The following SH3BGRL2 variants were observed in gnomAD, a reference collection of about 807,000 sequenced individuals.
The protein encoded by SH3BGRL2 is SH3 domain binding glutamate rich protein like 2.
Under a neutral mutation model 14.8 loss-of-function variants are expected in SH3BGRL2, and 21 were observed. The ratio of observed to expected loss-of-function variants is 1.42; its 90% CI spans 1.01 to 2.05. The LOEUF (loss-of-function observed/expected upper bound fraction) is 2.05, where lower values mean the gene tolerates loss of function less well. Ranked by LOEUF, SH3BGRL2 falls within the 30% of genes most tolerant of loss-of-function variation. The probability of loss-of-function intolerance (pLI) is 0.00; values close to 1 mark genes in which losing one functional copy is unlikely to be tolerated. For synonymous variants in SH3BGRL2, 50 were observed against 47.8 expected, an observed-to-expected ratio of 1.05 and a Z score of -0.19; for missense variants, 147 against 130.8, an observed-to-expected ratio of 1.12 and a Z score of -0.61.
chr6:79,598,900 T>C, the SH3BGRL2 span, among the ~76,000 whole-genome samples: 1 of 151,912 alleles, frequency 6.6e-6, no homozygotes, highest in Admixed American at 6.6e-5. Context: ...CTGACCAACA[T>C]GGAGAAACCC....
At chr6:79,638,621 G>A (rs769414353) in intron 1 of SH3BGRL2, among the ~76,000 whole-genome samples, 1 of 151,996 alleles carries the variant, frequency 6.6e-6, no homozygotes, top group African/African-American at 2.4e-5. Flanking sequence ...GTTACTTGGG[G>A]CCTTTTCGAT....
At chr6:79,699,306 G>C (rs570297122) in intron 3 of SH3BGRL2, among the ~76,000 whole-genome samples, 192 bp from the exon 4 acceptor site, 2 of 151,932 alleles carry the variant, frequency 1.3e-5, no homozygotes, top group Admixed American at 1.3e-4. Flanking sequence ...AGGTCGGGTG[G>C]GTGTGATTTA....
At chr6:79,575,632 TTTTTTTACTTAAAG>T in the SH3BGRL2 span, 1 of 152,166 alleles carries the variant, frequency 6.6e-6, no homozygotes, top group African/African-American at 2.4e-5. Context: ...TCAAATATTT[TTTTTTTACTTAAAG>T]TTTTTTACTT....
chr6:79,537,656 C>T, the SH3BGRL2 span, among the ~76,000 whole-genome samples: 1 of 152,182 alleles, frequency 6.6e-6, no homozygotes, highest in Admixed American at 6.5e-5. Context: ...CTGTGCGGTG[C>T]CAGGGCTCGA....
the SH3BGRL2 span, among the ~76,000 whole-genome samples, chr6:79,570,712 T>G: frequency 1.3e-5 from 2 of 152,272 alleles, no homozygotes; most frequent in Non-Finnish European, 1.5e-5. Context: ...AGGCTAGAGA[T>G]AAGATGTTAA....
At chr6:79,626,983 C>T (rs532946366), upstream of SH3BGRL2, among the ~76,000 whole-genome samples, 351 of 152,276 alleles carry the variant, frequency 2.3e-3, 1 homozygote, top group African/African-American at 8.0e-3. Flanking sequence ...GCAGGAACCA[C>T]GGCAGACTTG....
rs1199418649 is a variant in SH3BGRL2 at position 79,703,513 on chromosome 6, G to A, written c.*4004G>A. On this transcript the variant is annotated 3_prime_UTR_variant, in exon 4 of 4. Transcript: ENST00000369838. ...TTGCCTTTCCTTTGAGGTACCGTGTGCGGTTTCCTGAACCTATCTCTATCC... is the reference window on the plus strand; with the variant it reads ...TTGCCTTTCCTTTGAGGTACCGTGTACGGTTTCCTGAACCTATCTCTATCC... 2.0e-5 allele frequency: 3 copies of A among 152,098 alleles called. No individual in the cohort carries two copies. Among genetic ancestry groups the A allele is most frequent in the African/African-American group, 7.2e-5 (3 of 41,402 alleles). 9.4% of individuals were successfully genotyped at this position (152,098 alleles called of 1,614,324 possible).
the SH3BGRL2 span, among the ~76,000 whole-genome samples, chr6:79,565,660 T>C: frequency 2.0e-5 from 3 of 152,194 alleles, no homozygotes; most frequent in Non-Finnish European, 4.4e-5. Flanking sequence ...TCCCAACACA[T>C]TGAATGCCTA....
chr6:79,673,875 T>C, intron 2 of SH3BGRL2, 76 bp downstream of exon 2: 1 of 1,471,364 alleles, frequency 6.8e-7, no homozygotes, highest in Non-Finnish European at 9.2e-7. Flanking sequence ...CAGGTGGGTT[T>C]TTCCAGTGAA....
chr6:79,567,716 C>T, the SH3BGRL2 span, among the ~76,000 whole-genome samples: 30 of 152,212 alleles, frequency 2.0e-4, no homozygotes, highest in African/African-American at 6.7e-4. Flanking sequence ...AAAAAAGAGG[C>T]AGAATCTGCA....
At chr6:79,690,763 C>A (rs1562159153) in intron 2 of SH3BGRL2, among the ~76,000 whole-genome samples, 1 of 152,118 alleles carries the variant, frequency 6.6e-6, no homozygotes, top group East Asian at 1.9e-4. Context: ...AAGTATAACA[C>A]CCCCTTGACT....
rs565419414 is a variant in SH3BGRL2, at chr6:79,659,254, G to T, written c.46-14360G>T. Reference sequence around the variant, plus strand: ...ATGGTATTGACTAGGTTTTCTTTTGGGTTTTTATGGTTTTAGGTCTAACAT... The same window carrying T: ...ATGGTATTGACTAGGTTTTCTTTTGTGTTTTTATGGTTTTAGGTCTAACAT... On this transcript the variant is annotated intron_variant, in intron 1 of 3. Transcript: ENST00000369838. 1.8e-3 allele frequency among the ~76,000 whole-genome samples: 272 copies of T among 152,104 alleles called. 1 individual carries two copies. Among genetic ancestry groups the T allele is most frequent in the Non-Finnish European group, 1.8e-3 (125 of 67,986 alleles).
At chr6:79,662,376 A>T (rs1180241753) in intron 1 of SH3BGRL2, among the ~76,000 whole-genome samples, 2 of 152,122 alleles carry the variant, frequency 1.3e-5, no homozygotes, top group Non-Finnish European at 2.9e-5. Context: ...GCTTGTCTGT[A>T]AAGGATTTTA....
the SH3BGRL2 span, among the ~76,000 whole-genome samples, chr6:79,551,030 T>C: frequency 1.3e-5 from 2 of 152,158 alleles, no homozygotes; most frequent in Non-Finnish European, 2.9e-5. Flanking sequence ...AGTGTGCCAG[T>C]CTACTATGGG....
At chr6:79,697,960 GA>G (rs1770366931) in intron 3 of SH3BGRL2, among the ~76,000 whole-genome samples, 1 of 152,116 alleles carries the variant, frequency 6.6e-6, no homozygotes, top group Admixed American at 6.5e-5. Flanking sequence ...ATTCTTCAAA[GA>G]AATGTATTTT....
At chr6:79,559,620 A>G in the SH3BGRL2 span, among the ~76,000 whole-genome samples, 1 of 152,354 alleles carries the variant, frequency 6.6e-6, no homozygotes, top group Admixed American at 6.5e-5. Flanking sequence ...CAAAAATGCT[A>G]TACAGGACAT....
At chr6:79,678,269 A>C (rs567523822) in intron 2 of SH3BGRL2, among the ~76,000 whole-genome samples, 1 of 151,352 alleles carries the variant, frequency 6.6e-6, no homozygotes, top group African/African-American at 2.4e-5. Flanking sequence ...GCAGATCTGA[A>C]ACTATATCCC....
intron 1 of SH3BGRL2, among the ~76,000 whole-genome samples, chr6:79,641,500 C>T (rs755852813): frequency 5.3e-5 from 8 of 152,070 alleles, no homozygotes; most frequent in Admixed American, 1.3e-4. Flanking sequence ...ATGGTTAAGG[C>T]GGGGGCTGAG....
intron 1 of SH3BGRL2, among the ~76,000 whole-genome samples, chr6:79,649,421 T>G (rs1769235491): frequency 6.6e-6 from 1 of 152,158 alleles, no homozygotes; most frequent in African/African-American, 2.4e-5. Flanking sequence ...AAATAAAATA[T>G]AATAATAAAT....
Sources: gnomAD v4.1 joint callset for allele counts (sites outside exome capture counted in the v4.1 genomes callset) on GRCh38, gnomAD v4.1.1 for gene constraint, MANE v1.5 for transcripts, NCBI Gene and HGNC (gene_info 2026-07-23, HGNC 2026-07-21) for gene names.